B3GALT1: variants seen among roughly 807,000 people sequenced by gnomAD.
B3GALT1 encodes the protein UDP-Gal:betaGlcNAc beta 1,3-galactosyltransferase, polypeptide 1.
B3GALT1 carries 10 observed loss-of-function variants against 23.2 expected under a neutral mutation model. The ratio of observed to expected loss-of-function variants is 0.43; its 90% CI spans 0.27 to 0.73. The LOEUF (loss-of-function observed/expected upper bound fraction) is 0.73. Among genes scored for constraint, B3GALT1 ranks in the 30% least tolerant of loss-of-function variants. The pLI is 0.21. For synonymous variants in B3GALT1, 156 were observed against 141.5 expected (o/e 1.10, Z -0.73); for missense variants, 299 against 405.4 (o/e 0.74, Z 2.25).
intron 1 of B3GALT1, among the ~76,000 whole-genome samples, chr2:167,379,506 C>T (rs771665201): frequency 1.2e-4 from 19 of 152,100 alleles, no homozygotes; most frequent in East Asian, 7.7e-4. Flanking sequence ...CTTCTACAGC[C>T]GTGTGCACTT....
chr2:167,662,328 A>T (rs1165182992), intron 3 of B3GALT1, among the ~76,000 whole-genome samples: 2 of 152,088 alleles, frequency 1.3e-5, no homozygotes, highest in African/African-American at 4.8e-5. Context: ...ATTTTATTTA[A>T]GATTTCTTTT....
At chr2:167,391,501 T>C (rs1698014101) in intron 1 of B3GALT1, among the ~76,000 whole-genome samples, 1 of 152,198 alleles carries the variant, frequency 6.6e-6, no homozygotes, top group Non-Finnish European at 1.5e-5. Flanking sequence ...GAATGAATAA[T>C]GAATGCTTTT....
chr2:167,472,747 T>A (rs1457558928), intron 1 of B3GALT1, among the ~76,000 whole-genome samples: 1 of 152,128 alleles, frequency 6.6e-6, no homozygotes. Flanking sequence ...TTCTTCATTT[T>A]TGTAATTGAA....
chr2:167,791,974 C>CAGT (rs1381155067), intron 3 of B3GALT1, among the ~76,000 whole-genome samples: 1 of 151,458 alleles, frequency 6.6e-6, no homozygotes. Context: ...AATTATTGAA[C>CAGT]AGTTCATACT....
chr2:167,850,173 A>G (rs1044799428), intron 4 of B3GALT1, among the ~76,000 whole-genome samples: 1 of 152,216 alleles, frequency 6.6e-6, no homozygotes, highest in African/African-American at 2.4e-5. Context: ...TCCAGAATCT[A>G]CGACAAACTC....
intron 1 of B3GALT1, among the ~76,000 whole-genome samples, chr2:167,480,603 AAAAAC>A: frequency 6.6e-6 from 1 of 152,182 alleles, no homozygotes; most frequent in East Asian, 1.9e-4. Context: ...TAAAAAAACA[AAAAAC>A]AAACAAACAA....
At chr2:167,807,332 T>G (rs186252929) in intron 3 of B3GALT1, among the ~76,000 whole-genome samples, 26 of 152,368 alleles carry the variant, frequency 1.7e-4, no homozygotes, top group Admixed American at 1.7e-3. Flanking sequence ...TGCTCTGATC[T>G]TAGTTATTTC....
At chr2:167,829,153 C>T (rs1036951456) in intron 4 of B3GALT1, among the ~76,000 whole-genome samples, 1 of 152,178 alleles carries the variant, frequency 6.6e-6, no homozygotes, top group Non-Finnish European at 1.5e-5. Context: ...GTCCTACTCA[C>T]TATATCAGAC....
chr2:167,719,098 T>C (rs764346641), intron 3 of B3GALT1, among the ~76,000 whole-genome samples: 1 of 152,216 alleles, frequency 6.6e-6, no homozygotes, highest in Non-Finnish European at 1.5e-5. Context: ...CATTAGTTAT[T>C]ATAGCAGTCA....
chr2:167,680,657 A>G (rs914743510), intron 3 of B3GALT1, among the ~76,000 whole-genome samples: 46 of 152,232 alleles, frequency 3.0e-4, no homozygotes, highest in African/African-American at 1.1e-3. Flanking sequence ...GTTTTTAGCA[A>G]GTGAAATGGA....
At chr2:167,569,478 T>A (rs942526004) in intron 2 of B3GALT1, among the ~76,000 whole-genome samples, 1 of 151,978 alleles carries the variant, frequency 6.6e-6, no homozygotes, top group Non-Finnish European at 1.5e-5. Context: ...TATTGTGTTT[T>A]AATTCTAAAT....
intron 1 of B3GALT1, among the ~76,000 whole-genome samples, chr2:167,429,381 A>T (rs1174217627): frequency 6.6e-6 from 1 of 152,148 alleles, no homozygotes; most frequent in Non-Finnish European, 1.5e-5. Flanking sequence ...TAACATTAGC[A>T]TGCTAAAATT....
intron 4 of B3GALT1, among the ~76,000 whole-genome samples, chr2:167,867,194 G>A (rs1438455319): frequency 6.6e-6 from 1 of 152,130 alleles, no homozygotes. Context: ...CCAAAGTGCT[G>A]GGATTACAGG....
chr2:167,589,930 A>T (rs1684645714), intron 2 of B3GALT1, among the ~76,000 whole-genome samples: 2 of 152,142 alleles, frequency 1.3e-5, no homozygotes, highest in African/African-American at 4.8e-5. Context: ...TACACATTTT[A>T]TATAGTATTC....
At position 167,665,175 on chromosome 2, in the gene B3GALT1, G is replaced by A. The variant is rs372931013; in HGVS notation, c.-352+18209G>A. Among the ~76,000 whole-genome samples the A allele has an allele frequency of 8.5e-4, 127 of 148,870 alleles. 2 individuals carry two copies. In the East Asian group the frequency reaches 0.02, roughly 23 times the overall value. ...TTATTGAGAGTTTTTAGCATGAAGCGTTGTTGAATTTTGTCAAAGGCCTTT... is the reference window on the plus strand; with the variant it reads ...TTATTGAGAGTTTTTAGCATGAAGCATTGTTGAATTTTGTCAAAGGCCTTT... On this transcript the variant is annotated intron_variant, in intron 3 of 4. Transcript: ENST00000392690.
chr2:167,626,003 A>C (rs1335243632), intron 2 of B3GALT1, among the ~76,000 whole-genome samples: 1 of 144,696 alleles, frequency 6.9e-6, no homozygotes, highest in African/African-American at 2.6e-5. Flanking sequence ...AGCCACAGCA[A>C]TATTTGCTGA....
chr2:167,865,627 T>TA (rs1253453903), intron 4 of B3GALT1, among the ~76,000 whole-genome samples: 1 of 151,528 alleles, frequency 6.6e-6, no homozygotes, highest in African/African-American at 2.4e-5. Flanking sequence ...CCGTCTCTAC[T>TA]AAAAAATACA....
intron 3 of B3GALT1, among the ~76,000 whole-genome samples, chr2:167,692,832 G>T (rs1686735214): frequency 6.6e-6 from 1 of 151,880 alleles, no homozygotes; most frequent in East Asian, 1.9e-4. Context: ...AATCACTGGG[G>T]CTCTGCTATT....
At chr2:167,494,764 A>G (rs1401644775) in intron 2 of B3GALT1, among the ~76,000 whole-genome samples, 1 of 152,232 alleles carries the variant, frequency 6.6e-6, no homozygotes, top group Non-Finnish European at 1.5e-5. Flanking sequence ...CTACTTAATG[A>G]GCCCATGGTA....
Sources: gnomAD v4.1 joint callset for allele counts (sites outside exome capture counted in the v4.1 genomes callset) on GRCh38, gnomAD v4.1.1 for gene constraint, MANE v1.5 for transcripts, NCBI Gene and HGNC (gene_info 2026-07-23, HGNC 2026-07-21) for gene names.